The following FAM193B variants were observed in gnomAD, a reference collection of about 807,000 sequenced individuals.
FAM193B encodes the protein protein FAM193B.
In FAM193B, 27 loss-of-function variants were observed where a neutral mutation model predicts 70.7. That is an observed-to-expected ratio of 0.38 (90% confidence interval 0.28 to 0.53). The LOEUF is 0.53. FAM193B is among the 20% of genes least tolerant of loss of function. FAM193B has a pLI of 0.81. For synonymous variants in FAM193B, 448 were observed against 436.0 expected (o/e 1.03, Z -0.34); for missense variants, 1,022 against 1,072.5 (o/e 0.95, Z 0.66).
intron 1 of FAM193B, among the ~76,000 whole-genome samples, chr5:177,552,523 G>A (rs1181216954): frequency 2.6e-5 from 4 of 152,250 alleles, no homozygotes; most frequent in Non-Finnish European, 5.9e-5. Context: ...TCTCTATGTG[G>A]CAGAGACCCT....
In FAM193B at chr5:177,538,219, T is replaced by C. The variant is rs1481113371; in HGVS notation, c.454-112A>G. The C allele has an allele frequency of 2.2e-5, 24 of 1,102,320 alleles. No homozygotes were observed. The highest frequency in any genetic ancestry group is 2.9e-5 in the Non-Finnish European group (23 of 787,788). The allele number at this position is 1,102,320 out of a possible 1,614,324, so 68.3% of individuals were successfully genotyped here. A position where few individuals can be genotyped will look rare whatever the true frequency, so the allele number is the denominator to read the frequency against. The stretch of plus-strand genomic sequence containing the variant: ...TCCTTCTCCTCCAGACCATGTGCCA[T>C]AGCAAAAACACAATTAATACAACTC... On this transcript the variant is annotated intron_variant, in intron 2 of 8. Transcript: ENST00000514747. The surrounding 1 kb of genome is among the most constrained non-coding windows in gnomAD (Gnocchi z 4.1).
At chr5:177,534,768 A>G (rs765831574) in intron 4 of FAM193B, among the ~76,000 whole-genome samples, 18 of 152,270 alleles carry the variant, frequency 1.2e-4, no homozygotes, top group Admixed American at 9.8e-4. Flanking sequence ...AGAGGCATGC[A>G]CATTATGCCC....
chr5:177,524,249 C>A lies in FAM193B; in HGVS notation c.2232G>T (p.Leu744Phe). ...GGCGGCTGCGGCCCTTGCCCTGGGG[C>A]AAGCTCTGTGGCCTTGCTGGGCCTG... ...QPSGPARPQS[L>F]PQGKGRSRRS... Residue 744 changes from leucine to phenylalanine, a missense_variant, in exon 6 of 9, where the codon TTG becomes TTT. Leu to Phe is a conservative substitution (Grantham distance 22). Coordinates refer to ENST00000514747, the MANE Select transcript of FAM193B (RefSeq NM_001190946.3). 6.4e-7 allele frequency: 1 copy of A among 1,557,210 alleles called. No individual in the cohort carries two copies.
At chr5:177,554,195 G>C (rs1382558890) in intron 1 of FAM193B, 54 bp downstream of exon 1, 1 of 1,473,356 alleles carries the variant, frequency 6.8e-7, no homozygotes, top group Non-Finnish European at 9.0e-7. Context: ...TCCCGCTCCC[G>C]CTCGGGGAAG....
chr5:177,544,599 T>C (rs1042144702), intron 1 of FAM193B, among the ~76,000 whole-genome samples: 2 of 152,188 alleles, frequency 1.3e-5, no homozygotes, highest in Non-Finnish European at 2.9e-5. Flanking sequence ...GAAACTTGCA[T>C]CTACCACCAT....
At chr5:177,525,349 C>T (rs1477835907) in intron 5 of FAM193B, 144 bp from the exon 6 acceptor site, 3 of 808,506 alleles carry the variant, frequency 3.7e-6, no homozygotes, top group Non-Finnish European at 5.2e-6. Context: ...ACCCACCCTG[C>T]AGGAGTGAGG....
In FAM193B at chr5:177,554,330, T is replaced by C. The variant is rs1246206201; in HGVS notation, c.129A>G (p.Ala43=). Reference sequence around the variant, plus strand: ...GCTCCGCCGGCGCCTCCGGAGGGCCTGCACCCGCTCCCGCCTCCAGGCTTG... The same window carrying C: ...GCTCCGCCGGCGCCTCCGGAGGGCCCGCACCCGCTCCCGCCTCCAGGCTTG... ...PPPSLEAGAG[A]GPPEAPAEPD... The change falls in exon 1 of 9, where the codon GCA becomes GCG. Residue 43 remains alanine, a synonymous_variant. Transcript: ENST00000514747. 14 of 1,275,906 alleles carry C rather than the reference T, an allele frequency of 1.1e-5. No homozygotes were observed. 79.0% of individuals were successfully genotyped at this position (1,275,906 alleles called of 1,614,324 possible).
Position 177,522,051 on chromosome 5 carries a change from T to G in FAM193B, c.2393A>C (p.Lys798Thr). 6.2e-7 allele frequency: 1 copy of G among 1,613,998 alleles called. No individual in the cohort carries two copies. The highest frequency in any genetic ancestry group is 8.5e-7 in the Non-Finnish European group (1 of 1,179,870). ...YFKRFCLDSA[K>T]QTRQKVAVNW... ...CACAGCAACTTTCTGACGAGTCTGCTTTGCAGAATCCAAACAGAACCTGTT... is the reference window on the plus strand; with the variant it reads ...CACAGCAACTTTCTGACGAGTCTGCGTTGCAGAATCCAAACAGAACCTGTT... The change falls in exon 8 of 9, where the codon AAG becomes ACG. Residue 798 changes from lysine (K) to threonine (T), a missense_variant. Transcript: ENST00000514747.
intron 1 of FAM193B, among the ~76,000 whole-genome samples, chr5:177,544,711 T>C (rs1001325468): frequency 1.4e-4 from 22 of 152,214 alleles, no homozygotes; most frequent in African/African-American, 5.3e-4. Context: ...TGGAAAACAT[T>C]TGGAAGATGT....
intron 1 of FAM193B, among the ~76,000 whole-genome samples, chr5:177,541,742 A>G (rs189579564): frequency 6.6e-6 from 1 of 152,166 alleles, no homozygotes; most frequent in East Asian, 1.9e-4. Context: ...GTGGCCTATA[A>G]AGCACAATAT....
intron 1 of FAM193B, among the ~76,000 whole-genome samples, chr5:177,546,391 G>A (rs1765430217): frequency 6.6e-6 from 1 of 152,200 alleles, no homozygotes; most frequent in South Asian, 2.1e-4. Flanking sequence ...GTATGCCCAG[G>A]AACCTAGGCT....
Position 177,524,215 on chromosome 5 carries a change from TGCGGCTCCG to T in FAM193B, c.2257_2265del (p.Arg753_Arg755del). The stretch of plus-strand genomic sequence containing the variant: ...GAGGAGGCTGGCTTCTCCTGCTTGT[TGCGGCTCCG>T]GCGGCTGCGGCCCTTGCCCTGGGGC... On this transcript the variant is annotated inframe_deletion, in exon 6 of 9. Coordinates refer to ENST00000514747, the MANE Select transcript of FAM193B (RefSeq NM_001190946.3). The T allele has an allele frequency of 1.3e-6, 2 of 1,552,312 alleles. No homozygotes were observed. The highest frequency in any genetic ancestry group is 1.7e-6 in the Non-Finnish European group (2 of 1,149,274).
intron 5 of FAM193B, among the ~76,000 whole-genome samples, chr5:177,529,425 A>G (rs759475376): frequency 1.3e-5 from 2 of 152,090 alleles, no homozygotes; most frequent in Non-Finnish European, 2.9e-5. Flanking sequence ...GATAATGACC[A>G]TAATCACTTG....
At chr5:177,531,226 G>A in intron 5 of FAM193B, 3 of 1,213,240 alleles carry the variant, frequency 2.5e-6, no homozygotes, top group South Asian at 2.9e-5. Context: ...CCTGGGGGTT[G>A]GGGCGAGGGT....
Position 177,524,369 on chromosome 5 carries a change from G to A in FAM193B, c.2112C>T (p.Gly704=). The A allele has an allele frequency of 6.4e-7, 1 of 1,572,176 alleles. No individual in the cohort carries two copies. Among genetic ancestry groups the A allele is most frequent in the Admixed American group, 1.9e-5 (1 of 52,994 alleles). The change falls in exon 6 of 9, where the codon GGC becomes GGT. Residue 704 remains glycine, a synonymous_variant. Transcript: ENST00000514747. ...RGSRPGPGWA[G]SPKTEKEKGS... is the part of the protein sequence containing the mutation. Reference sequence around the variant, plus strand: ...CCTTCTCCTTCTCAGTTTTGGGACTGCCAGCCCAACCTGGTCCTGGCCGGC... The same window carrying A: ...CCTTCTCCTTCTCAGTTTTGGGACTACCAGCCCAACCTGGTCCTGGCCGGC...
chr5:177,531,956 A>G, intron 5 of FAM193B: 2 of 1,279,518 alleles, frequency 1.6e-6, no homozygotes, highest in Non-Finnish European at 2.0e-6. Context: ...TCTTCACCTT[A>G]TGAGACTTCT....
rs763521848 is a variant in FAM193B, at chr5:177,539,010, C to A, written c.348G>T (p.Lys116Asn). ...TCTCGCCTAGGAGATTCTTGACGAG[C>A]TTTGGCATGAAGTCAGGGGGCAGCT... ...GEKLPPDFMP[K>N]LVKNLLGEMP... The change falls in exon 2 of 9, where the codon AAG becomes AAT. Residue 116 changes from lysine (K) to asparagine (N), a missense_variant. Physicochemically the swap from Lys to Asn is moderately conservative, Grantham distance 94. Coordinates refer to ENST00000514747, the MANE Select transcript of FAM193B (RefSeq NM_001190946.3). 6.2e-6 allele frequency: 10 copies of A among 1,613,926 alleles called. No individual in the cohort carries two copies. In the East Asian group the frequency reaches 2.2e-4, roughly 36 times the overall value.
rs367988865 is a variant in FAM193B at position 177,524,828 on chromosome 5, G to A, written c.1653C>T (p.Gly551=). The A allele has an allele frequency of 9.9e-6, 15 of 1,510,472 alleles. No homozygotes were observed. Among genetic ancestry groups the A allele is most frequent in the South Asian group, 5.4e-5 (4 of 74,206 alleles). The allele number at this position is 1,510,472 out of a possible 1,614,324, so 93.6% of individuals were successfully genotyped here. A position where few individuals can be genotyped will look rare whatever the true frequency, so the allele number is the denominator to read the frequency against. ...TTTCTGCCCATGGTGGGGCTGGCTCGCCTGGAGCTTGTAACGTGTGGTTCT... is the reference window on the plus strand; with the variant it reads ...TTTCTGCCCATGGTGGGGCTGGCTCACCTGGAGCTTGTAACGTGTGGTTCT... The part of the protein sequence containing the change: ...SPQNHTLQAP[G]EPAPPWAEMR... Residue 551 remains glycine (G), a synonymous_variant, in exon 6 of 9, where the codon GGC becomes GGT. Transcript: ENST00000514747.
chr5:177,552,196 G>T, intron 1 of FAM193B: 3 of 394,616 alleles, frequency 7.6e-6, no homozygotes, highest in Non-Finnish European at 1.0e-5. Context: ...TAACCACCAG[G>T]CACAGGGGTA....
Sources: allele counts gnomAD v4.1 joint callset (sites outside exome capture counted in the v4.1 genomes callset), GRCh38; gene constraint gnomAD v4.1.1; non-coding constraint Gnocchi (gnomAD v3.1); transcripts MANE v1.5; gene names NCBI Gene and HGNC (gene_info 2026-07-23, HGNC 2026-07-21).